SLC4A8: variants seen among roughly 807,000 people sequenced by gnomAD.
SLC4A8 encodes the protein electroneutral sodium bicarbonate exchanger 1.
A neutral mutation model predicts 125.0 loss-of-function variants in SLC4A8; 40 were observed. The ratio of observed to expected loss-of-function variants is 0.32; its 90% confidence interval spans 0.25 to 0.42. The LOEUF (loss-of-function observed/expected upper bound fraction) is 0.42, where lower values mean the gene tolerates loss of function less well. Ranked by LOEUF, SLC4A8 falls within the 10% of genes least tolerant of loss-of-function variation. The probability of loss-of-function intolerance (pLI) is 1.00; values close to 1 mark genes in which losing one functional copy is unlikely to be tolerated. For missense variants in SLC4A8, 863 were observed against 1,355.1 expected (o/e 0.64, Z 5.70); for synonymous variants, 456 against 476.0 (o/e 0.96, Z 0.55).
In SLC4A8 at chr12:51,407,184, T is replaced by G. The variant is rs1002299709; in HGVS notation, c.-112+15696T>G. 4.6e-5 allele frequency among the ~76,000 whole-genome samples: 7 copies of G among 152,316 alleles called. No homozygotes were observed. In the East Asian group the frequency reaches 1.2e-3, roughly 25 times the overall value. ...ACCTGACTGACGGGAGGAGCCCTCA[T>G]GGCCTAATCATCTTCTAAAGGCCTA... On this transcript the variant is annotated intron_variant, in intron 1 of 24. Coordinates refer to the SLC4A8 transcript ENST00000358657.
intron 1 of SLC4A8, among the ~76,000 whole-genome samples, chr12:51,426,558 C>A (rs1313491787): frequency 6.6e-6 from 1 of 152,024 alleles, no homozygotes; most frequent in African/African-American, 2.4e-5. Context: ...AAAATCTGGG[C>A]AAAGAGCTAA....
intron 2 of SLC4A8, among the ~76,000 whole-genome samples, chr12:51,441,472 C>T (rs934990883): frequency 6.6e-6 from 1 of 152,236 alleles, no homozygotes; most frequent in East Asian, 1.9e-4. Flanking sequence ...GTCCTGCTTT[C>T]CTTTTTCCCC....
At chr12:51,468,801 G>T (rs544353307) in intron 11 of SLC4A8, among the ~76,000 whole-genome samples, 3 of 152,082 alleles carry the variant, frequency 2.0e-5, no homozygotes, top group Non-Finnish European at 4.4e-5. Flanking sequence ...ATTTTTTAAG[G>T]CCTTTTTGAC....
In SLC4A8 at chr12:51,470,864, T is replaced by G. The variant is rs141796173; in HGVS notation, c.1658+339T>G. 8.6e-4 allele frequency among the ~76,000 whole-genome samples: 112 copies of G among 130,578 alleles called. No individual in the cohort carries two copies. The East Asian group carries it at 0.014, about 17-fold the overall frequency. 85.7% of individuals were successfully genotyped at this position (130,578 alleles called of 152,430 possible). The stretch of plus-strand genomic sequence containing the variant: ...CCTAATATCCTCCCCCTGCTGTTTT[T>G]TTTTGTTTTGTTTTGTTTTTTTGCT... On this transcript the variant is annotated intron_variant, in intron 13 of 24. Coordinates refer to ENST00000453097, the MANE Select transcript of SLC4A8 (RefSeq NM_001039960.3).
At chr12:51,449,256 G>A (rs748950311) in intron 2 of SLC4A8, among the ~76,000 whole-genome samples, 22 of 151,956 alleles carry the variant, frequency 1.4e-4, no homozygotes, top group Non-Finnish European at 2.1e-4. Context: ...TGGGCAACAT[G>A]GCAGGACTTG....
At position 51,510,478 on chromosome 12, in the gene SLC4A8, G is replaced by A. The variant is rs1306961826; in HGVS notation, c.*3040G>A. 1.3e-5 allele frequency: 2 copies of A among 150,074 alleles called. No individual in the cohort carries two copies. Among genetic ancestry groups the A allele is most frequent in the African/African-American group, 4.9e-5 (2 of 40,760 alleles). The allele number at this position is 150,074 out of a possible 1,614,324, so 9.3% of individuals were successfully genotyped here. Reference sequence around the variant, plus strand: ...TAGGAGGTATTCCTTGATGGCTCTCGAATGCATGAATGATATATCAATTTG... The same window carrying A: ...TAGGAGGTATTCCTTGATGGCTCTCAAATGCATGAATGATATATCAATTTG... On this transcript the variant is annotated 3_prime_UTR_variant, in exon 25 of 25. Coordinates refer to ENST00000453097, the MANE Select transcript of SLC4A8 (RefSeq NM_001039960.3).
chr12:51,423,256 A>G (rs573706148), upstream of SLC4A8, among the ~76,000 whole-genome samples: 30 of 152,246 alleles, frequency 2.0e-4, no homozygotes, highest in Non-Finnish European at 4.1e-4. Context: ...TAAGAAAGGT[A>G]TGAAGTGCCT....
intron 17 of SLC4A8, among the ~76,000 whole-genome samples, chr12:51,487,388 CAT>C (rs145704150): frequency 0.018 from 2,677 of 152,278 alleles, 37 homozygotes; most frequent in Non-Finnish European, 0.03. Flanking sequence ...GTTAGGGAAA[CAT>C]AGATTCTGTA....
At chr12:51,496,075 G>T (rs1951452761) in intron 21 of SLC4A8, among the ~76,000 whole-genome samples, 1 of 152,044 alleles carries the variant, frequency 6.6e-6, no homozygotes, top group South Asian at 2.1e-4. Context: ...CCTCCTGGTG[G>T]GTTTCTCAAT....
upstream of SLC4A8, among the ~76,000 whole-genome samples, chr12:51,420,377 A>G (rs1948763041): frequency 6.6e-6 from 1 of 152,220 alleles, no homozygotes; most frequent in South Asian, 2.1e-4. Flanking sequence ...GATGCTTTTG[A>G]TGAAAAAACT....
At chr12:51,427,294 G>A (rs1222437113) in intron 1 of SLC4A8, among the ~76,000 whole-genome samples, 1 of 152,162 alleles carries the variant, frequency 6.6e-6, no homozygotes, top group Admixed American at 6.5e-5. Context: ...GGTTGGAATG[G>A]ATGTGAGGAT....
chr12:51,505,106 C>T (rs1198997658), intron 23 of SLC4A8, among the ~76,000 whole-genome samples: 1 of 152,178 alleles, frequency 6.6e-6, no homozygotes, highest in Non-Finnish European at 1.5e-5. Flanking sequence ...AAACTTTCTA[C>T]GTGTTGTTGT....
intron 1 of SLC4A8, among the ~76,000 whole-genome samples, chr12:51,398,982 C>T (rs1481503727): frequency 6.6e-6 from 1 of 152,208 alleles, no homozygotes; most frequent in African/African-American, 2.4e-5. Context: ...CTCCTGATCT[C>T]AGGTGATCCA....
chr12:51,424,050 A>ACAAAC (rs59594098), upstream of SLC4A8, among the ~76,000 whole-genome samples: 26 of 69,836 alleles, frequency 3.7e-4, no homozygotes, highest in Middle Eastern at 7.5e-3. Context: ...AAAAAAAAAA[A>ACAAAC]AAACAAAAAA....
Position 51,497,077 on chromosome 12 carries a change from A to G in SLC4A8, c.3034A>G (p.Lys1012Glu). Residue 1012 changes from lysine (K) to glutamate (E), a missense_variant, in exon 22 of 25, where the codon AAA becomes GAA. Physicochemically the swap from Lys to Glu is moderately conservative, Grantham distance 56. Coordinates refer to ENST00000453097, the MANE Select transcript of SLC4A8 (RefSeq NM_001039960.3). Reference protein sequence around the residue: ...SWLDDLMPESKKKKLDDAKKK... With the variant: ...SWLDDLMPESEKKKLDDAKKK... ...GCTAGATGATCTCATGCCTGAAAGCAAAAAGAAGAAGTTGGATGATGCCAA... is the reference window on the plus strand; with the variant it reads ...GCTAGATGATCTCATGCCTGAAAGCGAAAAGAAGAAGTTGGATGATGCCAA... The G allele has an allele frequency of 1.9e-6, 3 of 1,613,940 alleles. No homozygotes were observed. Among genetic ancestry groups the G allele is most frequent in the Non-Finnish European group, 2.5e-6 (3 of 1,179,978 alleles).
chr12:51,410,565 C>G (rs1948573538), intron 1 of SLC4A8, among the ~76,000 whole-genome samples: 1 of 151,690 alleles, frequency 6.6e-6, no homozygotes, highest in South Asian at 2.1e-4. Flanking sequence ...TCAAGCAATT[C>G]TCCTGTCTCA....
intron 16 of SLC4A8, 102 bp from the exon 17 acceptor site, chr12:51,485,685 T>C: frequency 3.1e-6 from 2 of 640,992 alleles, no homozygotes; most frequent in East Asian, 2.6e-5. Flanking sequence ...AACTGTAAGA[T>C]GAAAACATTC....
At chr12:51,435,085 T>C (rs1383611343) in intron 1 of SLC4A8, among the ~76,000 whole-genome samples, 1 of 152,206 alleles carries the variant, frequency 6.6e-6, no homozygotes, top group Non-Finnish European at 1.5e-5. Flanking sequence ...CTCTGTTTTA[T>C]TGTACTTTCA....
intron 1 of SLC4A8, among the ~76,000 whole-genome samples, chr12:51,436,441 G>A (rs1322765415): frequency 2.0e-5 from 3 of 151,680 alleles, no homozygotes; most frequent in Non-Finnish European, 4.4e-5. Flanking sequence ...TTTGATTTTG[G>A]GGAATTACTT....
Sources: allele counts gnomAD v4.1 joint callset (sites outside exome capture counted in the v4.1 genomes callset), GRCh38; gene constraint gnomAD v4.1.1; transcripts MANE v1.5; gene names NCBI Gene and HGNC (gene_info 2026-07-23, HGNC 2026-07-21).